The following CCSER1 variants were observed in gnomAD, a reference collection of about 807,000 sequenced individuals.
CCSER1 encodes the protein coiled-coil serine rich protein 1.
CCSER1 carries 41 observed loss-of-function variants against 82.0 expected under a neutral mutation model. That is an observed-to-expected ratio of 0.50 (90% CI 0.39 to 0.65). The LOEUF (loss-of-function observed/expected upper bound fraction) is 0.65, where lower values mean the gene tolerates loss of function less well. CCSER1 is among the 30% of genes least tolerant of loss of function. The pLI, the probability that CCSER1 is intolerant of heterozygous loss-of-function variation, is 0.00. For missense variants in CCSER1, 1,119 were observed against 1,064.2 expected, an observed-to-expected ratio of 1.05 and a Z score of -0.72; for synonymous variants, 414 against 383.9, an observed-to-expected ratio of 1.08 and a Z score of -0.92.
At chr4:91,434,896 T>C (rs1754554394) in intron 10 of CCSER1, among the ~76,000 whole-genome samples, 1 of 152,136 alleles carries the variant, frequency 6.6e-6, no homozygotes, top group African/African-American at 2.4e-5. Context: ...GTTTTATGAG[T>C]CTATATTCTT....
At chr4:90,805,998 G>C (rs528607219) in intron 7 of CCSER1, among the ~76,000 whole-genome samples, 2 of 152,264 alleles carry the variant, frequency 1.3e-5, no homozygotes, top group Non-Finnish European at 2.9e-5. Flanking sequence ...GAGAGTAAGA[G>C]TTGTTTAAAG....
intron 10 of CCSER1, among the ~76,000 whole-genome samples, chr4:91,236,652 T>A (rs1459276907): frequency 6.6e-6 from 1 of 152,170 alleles, no homozygotes; most frequent in Non-Finnish European, 1.5e-5. Flanking sequence ...AATGCATAAA[T>A]AAAATATTAA....
At chr4:91,590,330 G>A (rs903350296) in intron 10 of CCSER1, among the ~76,000 whole-genome samples, 1 of 152,058 alleles carries the variant, frequency 6.6e-6, no homozygotes, top group African/African-American at 2.4e-5. Flanking sequence ...AGAACCTTTT[G>A]ATGTTTCTTT....
At chr4:90,736,300 G>T (rs1745639516) in intron 7 of CCSER1, among the ~76,000 whole-genome samples, 1 of 152,006 alleles carries the variant, frequency 6.6e-6, no homozygotes, top group African/African-American at 2.4e-5. Context: ...GCTGAATGTG[G>T]GGTGTTGAAG....
intron 10 of CCSER1, among the ~76,000 whole-genome samples, chr4:91,160,735 A>ATGTTGT (rs142047956): frequency 1.3e-5 from 2 of 151,672 alleles, no homozygotes; most frequent in Non-Finnish European, 1.5e-5. Context: ...CCACTTTTTG[A>ATGTTGT]TGTTGTTGTT....
chr4:90,994,587 T>G (rs1435026846), intron 9 of CCSER1, among the ~76,000 whole-genome samples: 4 of 109,880 alleles, frequency 3.6e-5, no homozygotes, highest in Non-Finnish European at 7.9e-5. Flanking sequence ...GAGTCTATTT[T>G]CAATTCCATT....
chr4:90,374,863 C>CA lies in CCSER1; in HGVS notation c.1510-25166dup, dbSNP rs143209414. Among the ~76,000 whole-genome samples the CA allele has an allele frequency of 6.3e-3, 951 of 151,908 alleles. 21 individuals are homozygous for CA. In the East Asian group the frequency reaches 0.082, roughly 13 times the overall value. On this transcript the variant is annotated intron_variant, in intron 3 of 10. Transcript: ENST00000509176. ...CTGATATTAGTGCTTCTTTTATTAC[C>CA]AAAAAAACCCCAATAATTAATGGGC...
At chr4:91,183,553 T>C (rs1734243992) in intron 10 of CCSER1, among the ~76,000 whole-genome samples, 1 of 152,178 alleles carries the variant, frequency 6.6e-6, no homozygotes. Flanking sequence ...ACAATAATTT[T>C]TCCAGGATCA....
At chr4:90,617,468 G>C (rs1721501687) in intron 5 of CCSER1, among the ~76,000 whole-genome samples, 1 of 152,074 alleles carries the variant, frequency 6.6e-6, no homozygotes, top group Non-Finnish European at 1.5e-5. Context: ...GGTTTTAAAT[G>C]TCAAGTATAC....
intron 10 of CCSER1, among the ~76,000 whole-genome samples, chr4:91,492,452 A>T (rs910819658): frequency 6.6e-6 from 1 of 152,072 alleles, no homozygotes; most frequent in African/African-American, 2.4e-5. Flanking sequence ...CTTCCCAGGG[A>T]TTCTTCAGGA....
intron 8 of CCSER1, among the ~76,000 whole-genome samples, chr4:90,916,201 T>C (rs7672269): frequency 0.47 from 70,773 of 151,686 alleles, 18,157 homozygotes; most frequent in African/African-American, 0.7. Context: ...GAGCCCGCAT[T>C]GCCAAGTCAA....
chr4:91,447,495 G>A lies in CCSER1; in HGVS notation c.2218-151077G>A, dbSNP rs185667801. Among the ~76,000 whole-genome samples, 94 of 152,012 alleles carry A rather than the reference G, an allele frequency of 6.2e-4. 1 individual carries two copies. The East Asian group carries it at 0.017, about 28-fold the overall frequency. ...TTGAACAAATCACTTCCTTCTCCATGTACCTATCACACTACTATTATAGCA... is the reference window on the plus strand; with the variant it reads ...TTGAACAAATCACTTCCTTCTCCATATACCTATCACACTACTATTATAGCA... On this transcript the variant is annotated intron_variant, in intron 10 of 10. Transcript: ENST00000509176.
intron 10 of CCSER1, among the ~76,000 whole-genome samples, chr4:91,176,615 CTGTT>C (rs557372930): frequency 0.031 from 4,665 of 152,194 alleles, 216 homozygotes; most frequent in African/African-American, 0.1. Context: ...ATTTGGCTCT[CTGTT>C]TGTCTGTTAT....
At chr4:90,470,647 T>G (rs1373272567) in intron 5 of CCSER1, among the ~76,000 whole-genome samples, 2 of 151,990 alleles carry the variant, frequency 1.3e-5, no homozygotes, top group South Asian at 2.1e-4. Flanking sequence ...CTTTTCATTT[T>G]CTGGGAGGTT....
At chr4:90,668,092 T>A (rs1320547062) in intron 6 of CCSER1, among the ~76,000 whole-genome samples, 1 of 152,226 alleles carries the variant, frequency 6.6e-6, no homozygotes, top group Non-Finnish European at 1.5e-5. Context: ...ATGCCAATCC[T>A]GGTAATGTAA....
intron 10 of CCSER1, among the ~76,000 whole-genome samples, chr4:91,297,225 TATG>T (rs1744251544): frequency 6.7e-6 from 1 of 149,500 alleles, no homozygotes; most frequent in African/African-American, 2.6e-5. Context: ...TTAATAAACT[TATG>T]TTATGTTTGT....
intron 6 of CCSER1, among the ~76,000 whole-genome samples, chr4:90,670,595 A>G (rs1418526727): frequency 6.6e-6 from 1 of 152,068 alleles, no homozygotes; most frequent in Admixed American, 6.6e-5. Flanking sequence ...GAAGGGGGCA[A>G]CTATGAACTA....
At chr4:91,151,975 A>C (rs1730258288) in intron 10 of CCSER1, among the ~76,000 whole-genome samples, 2 of 152,200 alleles carry the variant, frequency 1.3e-5, no homozygotes, top group Non-Finnish European at 2.9e-5. Flanking sequence ...AGAGTTCTGT[A>C]GATGTCTATT....
At chr4:91,042,837 T>C (rs1389270908) in intron 9 of CCSER1, among the ~76,000 whole-genome samples, 1 of 152,086 alleles carries the variant, frequency 6.6e-6, no homozygotes, top group African/African-American at 2.4e-5. Flanking sequence ...TCTTGAAAAA[T>C]CTATGGCGGC....
Sources: allele counts gnomAD v4.1 joint callset (sites outside exome capture counted in the v4.1 genomes callset), GRCh38; gene constraint gnomAD v4.1.1; transcripts MANE v1.5; gene names NCBI Gene and HGNC (gene_info 2026-07-23, HGNC 2026-07-21).